Variants in TMEM163 observed in about 807,000 individuals in gnomAD.
TMEM163 encodes the protein transmembrane protein 163.
In TMEM163, 17 loss-of-function variants were observed where a neutral mutation model predicts 29.3. The observed-to-expected ratio is 0.58, with a 90% CI of 0.40 to 0.87. TMEM163 has a LOEUF of 0.87. TMEM163 is among the 40% of genes least tolerant of loss of function. TMEM163 has a pLI of 0.00. For missense variants in TMEM163, 303 were observed against 381.5 expected (o/e 0.79, Z 1.71); for synonymous variants, 157 against 160.6 (o/e 0.98, Z 0.17).
intron 2 of TMEM163, among the ~76,000 whole-genome samples, chr2:134,585,694 A>G (rs1681804969): frequency 6.6e-6 from 1 of 151,118 alleles, no homozygotes; most frequent in Non-Finnish European, 1.5e-5. Flanking sequence ...GTGAGTCTAG[A>G]TCGCGCCACT....
intron 2 of TMEM163, among the ~76,000 whole-genome samples, chr2:134,569,624 A>C (rs1309154754): frequency 6.6e-6 from 1 of 152,040 alleles, no homozygotes; most frequent in African/African-American, 2.4e-5. Flanking sequence ...CACCAAGAAA[A>C]TAAGATCGTA....
chr2:134,670,432 G>A (rs941993383), intron 2 of TMEM163, among the ~76,000 whole-genome samples: 1 of 152,164 alleles, frequency 6.6e-6, no homozygotes, highest in East Asian at 1.9e-4. Flanking sequence ...ACACTGGCAG[G>A]GCTGGGCAAG....
intron 4 of TMEM163, among the ~76,000 whole-genome samples, chr2:134,519,133 A>G (rs1387855668): frequency 6.6e-6 from 1 of 152,212 alleles, no homozygotes; most frequent in East Asian, 1.9e-4. Flanking sequence ...GTAGTAGCCC[A>G]CAATTCCGTG....
chr2:134,502,413 G>A (rs1679716519), intron 5 of TMEM163, among the ~76,000 whole-genome samples: 1 of 152,200 alleles, frequency 6.6e-6, no homozygotes, highest in Admixed American at 6.5e-5. Flanking sequence ...AGCAGTCAAA[G>A]ACACATTTTA....
chr2:134,479,703 T>C (rs480368), intron 5 of TMEM163, among the ~76,000 whole-genome samples: 67,078 of 151,970 alleles, frequency 0.44, 17,038 homozygotes, highest in East Asian at 0.83. Context: ...AACTGAGGCA[T>C]GTTCAGGCTT....
Position 134,456,526 on chromosome 2 carries a change from C to T in TMEM163, c.*190G>A. The T allele has an allele frequency of 1.5e-6, 1 of 647,774 alleles. No individual in the cohort carries two copies. Among genetic ancestry groups the T allele is most frequent in the Non-Finnish European group, 2.7e-6 (1 of 366,546 alleles). 40.1% of individuals were successfully genotyped at this position (647,774 alleles called of 1,614,324 possible). On this transcript the variant is annotated 3_prime_UTR_variant, in exon 8 of 8. Coordinates refer to ENST00000281924, the MANE Select transcript of TMEM163 (RefSeq NM_030923.5). Reference sequence around the variant, plus strand: ...TCCATTCCTATGGGCATTGTCCCAACATGTTTGATGGGGGCGGCAGGTGAT... The same window carrying T: ...TCCATTCCTATGGGCATTGTCCCAATATGTTTGATGGGGGCGGCAGGTGAT...
At chr2:134,528,311 T>C (rs1045073700) in intron 4 of TMEM163, among the ~76,000 whole-genome samples, 2 of 152,206 alleles carry the variant, frequency 1.3e-5, no homozygotes, top group African/African-American at 2.4e-5. Context: ...ACAGATTTAG[T>C]CTAACAATTC....
At chr2:134,710,034 C>T (rs953928416) in intron 2 of TMEM163, among the ~76,000 whole-genome samples, 5 of 152,208 alleles carry the variant, frequency 3.3e-5, no homozygotes, top group African/African-American at 1.2e-4. Context: ...AAGCCATCCA[C>T]TTCCAGTTGT....
At chr2:134,573,851 T>C (rs1003603294) in intron 2 of TMEM163, among the ~76,000 whole-genome samples, 1 of 152,160 alleles carries the variant, frequency 6.6e-6, no homozygotes, top group Non-Finnish European at 1.5e-5. Context: ...GCCATTCTGC[T>C]TGGGATGCAG....
intron 2 of TMEM163, among the ~76,000 whole-genome samples, chr2:134,707,230 C>T (rs1330803211): frequency 1.3e-5 from 2 of 152,166 alleles, no homozygotes; most frequent in African/African-American, 2.4e-5. Flanking sequence ...GAGGTGGACA[C>T]AGGAGCTTGC....
At chr2:134,710,264 A>G (rs1684898416) in intron 2 of TMEM163, among the ~76,000 whole-genome samples, 1 of 152,194 alleles carries the variant, frequency 6.6e-6, no homozygotes, top group Non-Finnish European at 1.5e-5. Flanking sequence ...ACAACCTACA[A>G]TGTACATGTC....
At chr2:134,639,705 A>G (rs1683185511) in intron 2 of TMEM163, among the ~76,000 whole-genome samples, 1 of 152,254 alleles carries the variant, frequency 6.6e-6, no homozygotes, top group Non-Finnish European at 1.5e-5. Flanking sequence ...CACAGAAACA[A>G]GCAACAACAC....
chr2:134,510,216 ATAT>A (rs1419084254), intron 4 of TMEM163, among the ~76,000 whole-genome samples: 2 of 152,192 alleles, frequency 1.3e-5, no homozygotes, highest in East Asian at 1.9e-4. Context: ...GATGGCAGAG[ATAT>A]TGTTGCTTAG....
intron 2 of TMEM163, among the ~76,000 whole-genome samples, chr2:134,604,451 AC>A (rs1264094142): frequency 2.1e-5 from 3 of 144,298 alleles, no homozygotes; most frequent in Admixed American, 1.4e-4. Flanking sequence ...AAAAAAAAAA[AC>A]CTCAAAATAA....
chr2:134,510,800 C>T (rs1478872024), intron 4 of TMEM163, among the ~76,000 whole-genome samples: 2 of 152,130 alleles, frequency 1.3e-5, no homozygotes, highest in Admixed American at 6.5e-5. Flanking sequence ...GGCCTCTTCC[C>T]GGCCTAGGCT....
chr2:134,534,479 C>T (rs775669602), intron 4 of TMEM163, among the ~76,000 whole-genome samples: 3 of 152,138 alleles, frequency 2.0e-5, no homozygotes, highest in Non-Finnish European at 4.4e-5. Context: ...TGGCCAGGTG[C>T]AGTGGCTCAC....
chr2:134,641,465 C>T (rs1683217948), intron 2 of TMEM163, among the ~76,000 whole-genome samples: 2 of 152,088 alleles, frequency 1.3e-5, no homozygotes, highest in African/African-American at 4.8e-5. Context: ...AAAGCAATAC[C>T]ATTCAGAGAA....
chr2:134,523,092 C>T (rs746811786), intron 4 of TMEM163, among the ~76,000 whole-genome samples: 61 of 152,298 alleles, frequency 4.0e-4, no homozygotes, highest in Non-Finnish European at 6.8e-4. Flanking sequence ...TAGAGAATTA[C>T]GGTCTTACAG....
intron 2 of TMEM163, among the ~76,000 whole-genome samples, chr2:134,564,606 A>G (rs901855501): frequency 6.6e-6 from 1 of 152,232 alleles, no homozygotes; most frequent in African/African-American, 2.4e-5. Flanking sequence ...TTTATAAAAC[A>G]TAACTACCAG....
Sources: gnomAD v4.1 joint callset for allele counts (sites outside exome capture counted in the v4.1 genomes callset) on GRCh38, gnomAD v4.1.1 for gene constraint, MANE v1.5 for transcripts, NCBI Gene and HGNC (gene_info 2026-07-23, HGNC 2026-07-21) for gene names.